SEZ6: variants seen among roughly 807,000 people sequenced by gnomAD.
SEZ6 encodes seizure related 6 homolog.
Under a neutral mutation model 101.0 loss-of-function variants are expected in SEZ6, and 53 were observed. That is an observed-to-expected ratio of 0.52 (90% CI 0.42 to 0.66). The LOEUF is 0.66. SEZ6 is among the 30% of genes least tolerant of loss of function. The pLI is 0.00. For missense variants in SEZ6, 1,102 were observed against 1,289.4 expected, an observed-to-expected ratio of 0.85 and a Z score of 2.23; for synonymous variants, 488 against 512.2, an observed-to-expected ratio of 0.95 and a Z score of 0.64.
intron 1 of SEZ6, among the ~76,000 whole-genome samples, chr17:28,986,611 G>T (rs1008958484): frequency 1.3e-5 from 2 of 152,258 alleles, no homozygotes; most frequent in African/African-American, 2.4e-5. Flanking sequence ...CAGTGCCCCA[G>T]CCTGGGGGAA....
intron 4 of SEZ6, among the ~76,000 whole-genome samples, chr17:28,965,150 G>C (rs1391831125): frequency 2.0e-5 from 3 of 151,852 alleles, no homozygotes. Flanking sequence ...TCAGGAGGTC[G>C]AGACCAGCCT....
chr17:28,956,592 T>C, intron 14 of SEZ6, 125 bp from the exon 15 acceptor site: 2 of 1,492,138 alleles, frequency 1.3e-6, no homozygotes, highest in South Asian at 2.4e-5. Flanking sequence ...GGGAAGGAGC[T>C]TTTTAACCTG....
rs1045652563 is a variant in SEZ6, at chr17:28,981,230, T to C, written c.724+141A>G. 4 of 1,395,226 alleles carry C rather than the reference T, an allele frequency of 2.9e-6. No homozygotes were observed. In the Admixed American group the frequency reaches 8.4e-5, roughly 29 times the overall value. 86.4% of individuals were successfully genotyped at this position (1,395,226 alleles called of 1,614,324 possible). On this transcript the variant is annotated intron_variant, in intron 2 of 16. Coordinates refer to ENST00000317338, the MANE Select transcript of SEZ6 (RefSeq NM_178860.5). ...GGATTTGAGCTCAGGTCTATCTGGG[T>C]CCAATCTACATGCCTCCTGCAGGCT...
At position 28,981,673 on chromosome 17, in the gene SEZ6, C is replaced by G; in HGVS notation, c.422G>C (p.Ser141Thr). 6.3e-7 allele frequency: 1 copy of G among 1,576,480 alleles called. No individual in the cohort carries two copies. The highest frequency in any genetic ancestry group is 8.6e-7 in the Non-Finnish European group (1 of 1,157,136). The change falls in exon 2 of 17, where the codon AGT (serine) becomes ACT (threonine). Residue 141 changes from serine to threonine, a missense_variant. Physicochemically the swap from Ser to Thr is moderately conservative, Grantham distance 58. This residue lies in a region of SEZ6 where 406 missense variants were observed against 418.6 expected (regional missense o/e 0.97). Coordinates refer to ENST00000317338, the MANE Select transcript of SEZ6 (RefSeq NM_178860.5). ...AAGCATAGGGGACTCTGACTCCGGA[C>G]TCCAGGGTCCCTCCTTGGACTGGGG... Reference protein sequence around the residue: ...TQPQSKEGPWSPESESPMLRI... With the variant: ...TQPQSKEGPWTPESESPMLRI...
chr17:28,975,938 G>A (rs1366650566), intron 3 of SEZ6, among the ~76,000 whole-genome samples: 3 of 152,218 alleles, frequency 2.0e-5, no homozygotes, highest in African/African-American at 7.2e-5. Flanking sequence ...CGCCAGGCCC[G>A]GAAAGGCCTG....
At chr17:28,965,276 C>T (rs746762812) in intron 4 of SEZ6, among the ~76,000 whole-genome samples, 7 of 152,108 alleles carry the variant, frequency 4.6e-5, no homozygotes, top group Admixed American at 1.3e-4. Context: ...CGCTTGAACC[C>T]GGCAGGTGGA....
At chr17:29,006,248 C>A, upstream of SEZ6, 1 of 170,148 alleles carries the variant, frequency 5.9e-6, no homozygotes, top group Non-Finnish European at 1.3e-5. Flanking sequence ...ACCCTCTTTC[C>A]CGTTAACGGC....
chr17:28,961,510 T>C (rs1393966197), intron 5 of SEZ6, among the ~76,000 whole-genome samples: 4 of 152,042 alleles, frequency 2.6e-5, no homozygotes, highest in Non-Finnish European at 4.4e-5. Context: ...AATGAGTGAA[T>C]GAATGTAAAA....
At chr17:28,966,975 G>T (rs1363973762) in intron 4 of SEZ6, among the ~76,000 whole-genome samples, 5 of 152,168 alleles carry the variant, frequency 3.3e-5, no homozygotes, top group Non-Finnish European at 5.9e-5. Context: ...TGGGCTGTGG[G>T]TCAGACTGCC....
At chr17:28,995,063 C>T (rs535879676) in intron 1 of SEZ6, among the ~76,000 whole-genome samples, 64 of 151,766 alleles carry the variant, frequency 4.2e-4, no homozygotes, top group African/African-American at 1.4e-3. Context: ...GTAGTACAGA[C>T]GGGGTTTCAC....
rs1252315177 is a variant in SEZ6 at position 28,981,756 on chromosome 17, C to T, written c.339G>A (p.Gln113=). 7 of 1,611,050 alleles carry T rather than the reference C, an allele frequency of 4.3e-6. No homozygotes were observed. Among genetic ancestry groups the T allele is most frequent in the Non-Finnish European group, 5.9e-6 (7 of 1,177,674 alleles). Residue 113 remains glutamine, a synonymous_variant, in exon 2 of 17, where the codon CAG becomes CAA. Transcript: ENST00000317338. ...TPSPLPRLAN[Q]DSRPVFTSPT... is the part of the protein sequence containing the mutation. ...GGCTGGTAAAGACAGGGCGGCTGTC[C>T]TGGTTGGCCAGGCGGGGAAGGGGAC...
Position 28,955,597 on chromosome 17 carries a change from G to A in SEZ6, c.*365C>T, listed in dbSNP as rs886473315. ...TGCTGCAGGTTGCCATGCCAGGGCG[G>A]GATGGTGGTCATGTGGAGAAAGGTA... On this transcript the variant is annotated 3_prime_UTR_variant, in exon 17 of 17. Coordinates refer to ENST00000317338, the MANE Select transcript of SEZ6 (RefSeq NM_178860.5). 44 of 506,514 alleles carry A rather than the reference G, an allele frequency of 8.7e-5. No homozygotes were observed. Among genetic ancestry groups the A allele is most frequent in the Non-Finnish European group, 1.6e-4 (41 of 260,106 alleles). The allele number at this position is 506,514 out of a possible 1,614,324, so 31.4% of individuals were successfully genotyped here.
chr17:28,956,432 C>G lies in SEZ6; in HGVS notation c.2767G>C (p.Ala923Pro). 1 of 1,562,648 alleles carries G rather than the reference C, an allele frequency of 6.4e-7. No individual in the cohort carries two copies. The highest frequency in any genetic ancestry group is 1.2e-5 in the South Asian group (1 of 84,674). ...AAGATGGCAGCTGCAATGTGGGCAG[C>G]ATCCAGGGTGCTGGAGGCAGCAGGT... ...KAPAASSTLD[A>P]AHIAAAIFLP... Residue 923 changes from alanine (A) to proline (P), a missense_variant, in exon 15 of 17, where the codon GCT becomes CCT. This residue lies in a region of SEZ6 where 140 missense variants were observed against 135.7 expected (regional missense o/e 1.03). Coordinates refer to ENST00000317338, the MANE Select transcript of SEZ6 (RefSeq NM_178860.5).
Position 28,981,536 on chromosome 17 carries a change from C to A in SEZ6, c.559G>T (p.Gly187Cys), listed in dbSNP as rs746322958. 4 of 1,612,360 alleles carry A rather than the reference C, an allele frequency of 2.5e-6. No individual in the cohort carries two copies. The highest frequency in any genetic ancestry group is 3.4e-6 in the Non-Finnish European group (4 of 1,179,216). Residue 187 changes from glycine (G) to cysteine (C), a missense_variant, in exon 2 of 17, where the codon GGT becomes TGT. Physicochemically the swap from Gly to Cys is radical, Grantham distance 159. Coordinates refer to ENST00000317338, the MANE Select transcript of SEZ6 (RefSeq NM_178860.5). ...CACGGCCTTCCCATGTCTCCAGGAC[C>A]CTCTTGGGTTGGTGTCCAGGCTCTG... is the stretch of plus-strand genomic sequence containing the variant. ...PSRAWTPTQE[G>C]PGDMGRPWVA... is the part of the protein sequence containing the mutation.
At chr17:28,963,081 G>A (rs1384729955) in intron 5 of SEZ6, among the ~76,000 whole-genome samples, 3 of 150,664 alleles carry the variant, frequency 2.0e-5, no homozygotes, top group Admixed American at 6.6e-5. Context: ...CCGAGATAGC[G>A]CCACTGCAGT....
intron 1 of SEZ6, among the ~76,000 whole-genome samples, chr17:28,991,448 G>A (rs1332016067): frequency 1.3e-5 from 2 of 151,742 alleles, no homozygotes; most frequent in South Asian, 2.1e-4. Context: ...TCAGGTGATC[G>A]GCCTGCCTCG....
chr17:28,979,880 CGTGTGTGT>C (rs3052131), intron 2 of SEZ6, 67 bp from the exon 3 acceptor site: 77,068 of 856,598 alleles, frequency 0.09, 1,964 homozygotes, highest in South Asian at 0.12. Context: ...AAGGCTGAAC[CGTGTGTGT>C]GTGTGTGTGT....
In SEZ6 at chr17:28,955,875, G is replaced by A. The variant is rs766659453; in HGVS notation, c.*87C>T. The stretch of plus-strand genomic sequence containing the variant: ...AGGTGGTATATACAGGAGGTGGAGG[G>A]ACAGCAGGAAGCAAGGAGCCTTGCT... On this transcript the variant is annotated 3_prime_UTR_variant, in exon 17 of 17. Transcript: ENST00000317338. 6.9e-7 allele frequency: 1 copy of A among 1,448,804 alleles called. No homozygotes were observed. The highest frequency in any genetic ancestry group is 9.5e-7 in the Non-Finnish European group (1 of 1,050,340). The allele number at this position is 1,448,804 out of a possible 1,614,324, so 89.7% of individuals were successfully genotyped here.
intron 4 of SEZ6, among the ~76,000 whole-genome samples, chr17:28,968,166 A>G (rs1244882722): frequency 1.3e-5 from 2 of 152,146 alleles, no homozygotes; most frequent in Non-Finnish European, 2.9e-5. Context: ...TCTCTAGCCC[A>G]CGGAGATTTG....
Sources: gnomAD v4.1 joint callset for allele counts (sites outside exome capture counted in the v4.1 genomes callset) on GRCh38, gnomAD v4.1.1 for gene constraint, gnomAD v4.1.1 regional missense constraint, MANE v1.5 for transcripts, NCBI Gene and HGNC (gene_info 2026-07-23, HGNC 2026-07-21) for gene names.